NALF1: variants seen among roughly 807,000 people sequenced by gnomAD.
NALF1 encodes the protein NALCN channel auxiliary factor 1.
In NALF1, 3 loss-of-function variants were observed where a neutral mutation model predicts 48.4. The observed-to-expected ratio is 0.06, with a 90% confidence interval of 0.03 to 0.16. The LOEUF (loss-of-function observed/expected upper bound fraction) is 0.16. Among genes scored for constraint, NALF1 ranks in the 10% least tolerant of loss-of-function variants. The pLI is 1.00. For missense variants in NALF1, 526 were observed against 571.5 expected (o/e 0.92, Z 0.81); for synonymous variants, 262 against 245.7 (o/e 1.07, Z -0.62).
At chr13:107,309,449 T>C (rs182949235) in intron 1 of NALF1, among the ~76,000 whole-genome samples, 187 of 152,302 alleles carry the variant, frequency 1.2e-3, no homozygotes, top group Non-Finnish European at 1.3e-3. Context: ...CTGAGAAAAG[T>C]CCTGAGGCAA....
At chr13:107,680,728 T>C (rs1014324028) in intron 1 of NALF1, among the ~76,000 whole-genome samples, 2 of 122,950 alleles carry the variant, frequency 1.6e-5, no homozygotes, top group African/African-American at 2.9e-5. Flanking sequence ...TGTGAGAGTG[T>C]ATGAGTGTGA....
At chr13:107,695,273 G>A (rs192578893) in intron 1 of NALF1, among the ~76,000 whole-genome samples, 21 of 152,298 alleles carry the variant, frequency 1.4e-4, no homozygotes, top group Admixed American at 1.4e-3. Flanking sequence ...AAAAACTAGT[G>A]CTCCAGAGAG....
In NALF1 at chr13:107,556,346, T is replaced by TAG. The variant is rs200946392; in HGVS notation, c.915+309335_915+309336insCT. Among the ~76,000 whole-genome samples the TAG allele has an allele frequency of 4.5e-3, 664 of 147,846 alleles. 1 individual carries two copies. The highest frequency in any genetic ancestry group is 6.0e-3 in the Admixed American group (87 of 14,384). ...ATATATATATACACACACATATATATATATAGAGAGAGAGAGAGAGAGAGT... is the reference window on the plus strand; with the variant it reads ...ATATATATATACACACACATATATATAGATATAGAGAGAGAGAGAGAGAGAGT... On this transcript the variant is annotated intron_variant, in intron 1 of 2. Coordinates refer to ENST00000375915, the MANE Select transcript of NALF1 (RefSeq NM_001080396.3).
At chr13:107,843,904 G>A (rs1451141117) in intron 1 of NALF1, among the ~76,000 whole-genome samples, 1 of 152,140 alleles carries the variant, frequency 6.6e-6, no homozygotes, top group Non-Finnish European at 1.5e-5. Context: ...GTGTAACATA[G>A]ACGTTGCCCC....
chr13:107,856,799 C>T (rs1184990616), intron 1 of NALF1, among the ~76,000 whole-genome samples: 1 of 152,120 alleles, frequency 6.6e-6, no homozygotes, highest in Non-Finnish European at 1.5e-5. Flanking sequence ...ACCTGCAACC[C>T]ACAGGAAAGA....
At chr13:107,225,253 C>A (rs1325792982) in intron 1 of NALF1, among the ~76,000 whole-genome samples, 2 of 152,168 alleles carry the variant, frequency 1.3e-5, no homozygotes, top group African/African-American at 2.4e-5. Context: ...AGGTGATCCA[C>A]CCGCCTCGGC....
intron 1 of NALF1, among the ~76,000 whole-genome samples, chr13:107,801,405 A>C (rs1245436313): frequency 2.0e-5 from 3 of 152,184 alleles, no homozygotes; most frequent in African/African-American, 7.2e-5. Flanking sequence ...AAAGGTTTTG[A>C]ATAGTTGAGC....
chr13:107,510,883 T>C (rs1212627959), intron 1 of NALF1, among the ~76,000 whole-genome samples: 1 of 152,188 alleles, frequency 6.6e-6, no homozygotes, highest in African/African-American at 2.4e-5. Flanking sequence ...ACAGCTTTAG[T>C]TTCACTCGAG....
intron 1 of NALF1, among the ~76,000 whole-genome samples, chr13:107,547,658 T>C (rs117844606): frequency 0.015 from 2,348 of 152,260 alleles, 23 homozygotes; most frequent in South Asian, 0.04. Context: ...CACAGGCCTA[T>C]GCTCCTGGCT....
chr13:107,679,796 C>A (rs1057296914), intron 1 of NALF1, among the ~76,000 whole-genome samples: 10 of 152,184 alleles, frequency 6.6e-5, no homozygotes, highest in African/African-American at 2.2e-4. Flanking sequence ...CTCCACCCAG[C>A]ACACTGCCAC....
chr13:107,192,520 C>T (rs980639304), intron 2 of NALF1, among the ~76,000 whole-genome samples: 6 of 152,138 alleles, frequency 3.9e-5, no homozygotes, highest in African/African-American at 9.7e-5. Context: ...CTTAAGCACC[C>T]GTGGTACATC....
At chr13:107,724,260 T>C (rs1594229112) in intron 1 of NALF1, among the ~76,000 whole-genome samples, 1 of 152,276 alleles carries the variant, frequency 6.6e-6, no homozygotes, top group Middle Eastern at 3.4e-3. Context: ...TTCTTCACTT[T>C]TATTGTTCCT....
intron 1 of NALF1, among the ~76,000 whole-genome samples, chr13:107,628,227 C>G (rs1213536582): frequency 6.6e-6 from 1 of 152,080 alleles, no homozygotes; most frequent in African/African-American, 2.4e-5. Context: ...CTTAAAAAGA[C>G]AGTCAAGATG....
rs74739085 is a variant in NALF1, at chr13:107,850,543, C to A, written c.915+15139G>T. 2.9e-3 allele frequency among the ~76,000 whole-genome samples: 444 copies of A among 152,316 alleles called. 5 individuals are homozygous for A. Among genetic ancestry groups the A allele is most frequent in the Non-Finnish European group, 4.2e-3 (288 of 68,034 alleles). ...CAGTAACAGCTTCTTCCTTGTTTTACTGGTGATACTCTAACTCATTTCATA... is the reference window on the plus strand; with the variant it reads ...CAGTAACAGCTTCTTCCTTGTTTTAATGGTGATACTCTAACTCATTTCATA... On this transcript the variant is annotated intron_variant, in intron 1 of 2. Transcript: ENST00000375915.
In NALF1 at chr13:107,664,267, T is replaced by C. The variant is rs147238103; in HGVS notation, c.915+201415A>G. Among the ~76,000 whole-genome samples the C allele has an allele frequency of 3.1e-4, 47 of 152,292 alleles. No individual in the cohort carries two copies. In the East Asian group the frequency reaches 6.6e-3, roughly 21 times the overall value. On this transcript the variant is annotated intron_variant, in intron 1 of 2. Coordinates refer to ENST00000375915, the MANE Select transcript of NALF1 (RefSeq NM_001080396.3). Reference sequence around the variant, plus strand: ...AAATCTGTCCACTTATCTACTGTGTTGGTTCTACCTTCCGGTGAGACTTAC... The same window carrying C: ...AAATCTGTCCACTTATCTACTGTGTCGGTTCTACCTTCCGGTGAGACTTAC...
intron 1 of NALF1, among the ~76,000 whole-genome samples, chr13:107,738,274 T>C (rs774758171): frequency 3.3e-5 from 5 of 152,206 alleles, no homozygotes; most frequent in African/African-American, 4.8e-5. Context: ...CCAATTGATA[T>C]TGATTCATGC....
At chr13:107,612,508 C>G (rs79174524) in intron 1 of NALF1, among the ~76,000 whole-genome samples, 4,843 of 152,230 alleles carry the variant, frequency 0.032, 117 homozygotes, top group Middle Eastern at 0.051. Context: ...CTGGATGAGA[C>G]TAGCACTGGT....
At chr13:107,696,809 T>C (rs1259579195) in intron 1 of NALF1, among the ~76,000 whole-genome samples, 1 of 152,186 alleles carries the variant, frequency 6.6e-6, no homozygotes, top group Non-Finnish European at 1.5e-5. Context: ...TTTTTGCTTT[T>C]CTAATTGGCC....
chr13:107,491,689 T>G (rs1472433807), intron 1 of NALF1, among the ~76,000 whole-genome samples: 1 of 152,138 alleles, frequency 6.6e-6, no homozygotes, highest in African/African-American at 2.4e-5. Context: ...ATATTTAATG[T>G]CTTGTTTGTG....
Sources: gnomAD v4.1 joint callset for allele counts (sites outside exome capture counted in the v4.1 genomes callset) on GRCh38, gnomAD v4.1.1 for gene constraint, MANE v1.5 for transcripts, NCBI Gene and HGNC (gene_info 2026-07-23, HGNC 2026-07-21) for gene names.